WWOX: variants seen among roughly 807,000 people sequenced by gnomAD.
WWOX encodes the protein WW domain-containing oxidoreductase.
A neutral mutation model predicts 46.2 loss-of-function variants in WWOX; 69 were observed. That is an observed-to-expected ratio of 1.49 (90% CI 1.23 to 1.82). WWOX has a LOEUF of 1.82. Among genes scored for constraint, WWOX ranks in the 40% most tolerant of loss-of-function variants. The probability of loss-of-function intolerance (pLI) is 0.00; values close to 1 mark genes in which losing one functional copy is unlikely to be tolerated. For missense variants in WWOX, 919 were observed against 542.6 expected, an observed-to-expected ratio of 1.69 and a Z score of -6.89; for synonymous variants, 359 against 202.6, an observed-to-expected ratio of 1.77 and a Z score of -6.56.
At chr16:78,148,713 C>G (rs973705916) in intron 4 of WWOX, among the ~76,000 whole-genome samples, 4 of 151,626 alleles carry the variant, frequency 2.6e-5, no homozygotes, top group African/African-American at 4.8e-5. Flanking sequence ...CTGGCTAACA[C>G]GGTGAAACCC....
intron 8 of WWOX, among the ~76,000 whole-genome samples, chr16:79,063,865 G>A (rs2048396678): frequency 6.6e-6 from 1 of 152,208 alleles, no homozygotes; most frequent in African/African-American, 2.4e-5. Context: ...TGCTCTTCCT[G>A]AAATCAATTT....
chr16:78,912,243 C>G (rs147013710), intron 8 of WWOX, among the ~76,000 whole-genome samples: 5 of 152,164 alleles, frequency 3.3e-5, no homozygotes, highest in Non-Finnish European at 7.4e-5. Flanking sequence ...CATGTCCTAT[C>G]ATTAACACAG....
chr16:78,325,804 G>C (rs181783393), intron 5 of WWOX, among the ~76,000 whole-genome samples: 5 of 152,344 alleles, frequency 3.3e-5, no homozygotes, highest in African/African-American at 9.6e-5. Context: ...AGGCATAGGA[G>C]TTAAGGGTTT....
At chr16:78,949,356 T>G (rs1020009318) in intron 8 of WWOX, among the ~76,000 whole-genome samples, 2 of 152,160 alleles carry the variant, frequency 1.3e-5, no homozygotes, top group African/African-American at 4.8e-5. Context: ...ATAGAAAATC[T>G]GATACACTGT....
rs1055916241 is a variant in WWOX at position 78,857,873 on chromosome 16, C to T, written c.1057-353735C>T. On this transcript the variant is annotated intron_variant, in intron 8 of 8. Transcript: ENST00000566780. ...ATTTTTGACCGAAATTAAACACATGCCTTTTGATCAAGCAATTCCATTCTG... is the reference window on the plus strand; with the variant it reads ...ATTTTTGACCGAAATTAAACACATGTCTTTTGATCAAGCAATTCCATTCTG... 5.4e-4 allele frequency among the ~76,000 whole-genome samples: 82 copies of T among 152,222 alleles called. 1 individual carries two copies. Among genetic ancestry groups the T allele is most frequent in the Non-Finnish European group, 1.9e-4 (13 of 68,006 alleles).
chr16:78,541,924 T>A (rs998362468), intron 8 of WWOX, among the ~76,000 whole-genome samples: 1 of 146,882 alleles, frequency 6.8e-6, no homozygotes, highest in South Asian at 2.1e-4. Context: ...TTGTTTTGTT[T>A]GTAAGAATCA....
chr16:78,103,989 G>A (rs760686175), intron 1 of WWOX, among the ~76,000 whole-genome samples: 7 of 152,096 alleles, frequency 4.6e-5, no homozygotes, highest in Non-Finnish European at 7.4e-5. Context: ...GGGAACCCAA[G>A]AGAGCTGGTG....
intron 8 of WWOX, among the ~76,000 whole-genome samples, chr16:78,778,744 A>G (rs545555401): frequency 6.6e-6 from 1 of 152,276 alleles, no homozygotes; most frequent in Admixed American, 6.5e-5. Flanking sequence ...TTCTCTTGAA[A>G]AACTCAAACC....
intron 8 of WWOX, among the ~76,000 whole-genome samples, chr16:78,899,910 T>C (rs2044786907): frequency 1.3e-5 from 2 of 152,184 alleles, no homozygotes; most frequent in Admixed American, 6.5e-5. Flanking sequence ...TGTCAGGACA[T>C]AAATTAAGTC....
At chr16:78,780,917 G>C (rs570765663) in intron 8 of WWOX, among the ~76,000 whole-genome samples, 1 of 152,284 alleles carries the variant, frequency 6.6e-6, no homozygotes, top group African/African-American at 2.4e-5. Context: ...GGGGAGCATG[G>C]GTTCAGAGAG....
At chr16:79,153,465 C>T (rs997140504) in intron 8 of WWOX, among the ~76,000 whole-genome samples, 8 of 152,184 alleles carry the variant, frequency 5.3e-5, no homozygotes, top group Non-Finnish European at 8.8e-5. Context: ...ATTTGGTTTA[C>T]ATCGGGAATG....
At chr16:78,131,112 T>C (rs569810412) in intron 4 of WWOX, among the ~76,000 whole-genome samples, 7 of 152,332 alleles carry the variant, frequency 4.6e-5, no homozygotes, top group African/African-American at 1.4e-4. Context: ...TGTAATCTTA[T>C]GGGACCGCCG....
At chr16:78,706,928 A>G (rs539802195) in intron 8 of WWOX, among the ~76,000 whole-genome samples, 127 of 152,132 alleles carry the variant, frequency 8.3e-4, no homozygotes, top group Non-Finnish European at 1.5e-3. Flanking sequence ...CTCCCAAAGT[A>G]TTAGGATTAC....
Position 78,857,958 on chromosome 16 carries a change from A to G in WWOX, c.1057-353650A>G, listed in dbSNP as rs964181781. ...CCAGGACACCCAATTAGAAGAATGA[A>G]TGCTTTTTTAGCGTTATTTTGTGTG... On this transcript the variant is annotated intron_variant, in intron 8 of 8. Coordinates refer to ENST00000566780, the MANE Select transcript of WWOX (RefSeq NM_016373.4). 2.0e-5 allele frequency among the ~76,000 whole-genome samples: 3 copies of G among 152,164 alleles called. No homozygotes were observed. The South Asian group carries it at 6.2e-4, about 32-fold the overall frequency.
chr16:78,259,870 C>G (rs1185425161), intron 5 of WWOX, among the ~76,000 whole-genome samples: 1 of 150,888 alleles, frequency 6.6e-6, no homozygotes. Context: ...GATGTTTATG[C>G]TTATATTATT....
At chr16:79,032,655 T>G (rs1648981262) in intron 8 of WWOX, among the ~76,000 whole-genome samples, 2 of 134,692 alleles carry the variant, frequency 1.5e-5, no homozygotes, top group African/African-American at 3.2e-5. Flanking sequence ...GCGTGTATAT[T>G]ATTTACATAT....
At chr16:78,148,284 A>C (rs1345277903) in intron 4 of WWOX, among the ~76,000 whole-genome samples, 1 of 152,182 alleles carries the variant, frequency 6.6e-6, no homozygotes, top group African/African-American at 2.4e-5. Context: ...AAGTGAGACC[A>C]TGGGTGTGTG....
At chr16:78,924,341 A>C (rs1442156955) in intron 8 of WWOX, among the ~76,000 whole-genome samples, 1 of 152,186 alleles carries the variant, frequency 6.6e-6, no homozygotes, top group Non-Finnish European at 1.5e-5. Context: ...CTTTGTTTGA[A>C]AAATGGAGCT....
chr16:79,102,961 T>C (rs1567551876), intron 8 of WWOX, among the ~76,000 whole-genome samples: 2 of 152,140 alleles, frequency 1.3e-5, no homozygotes, highest in Admixed American at 1.3e-4. Flanking sequence ...CTTCCTTTTC[T>C]TCCTCATCCT....
Sources: gnomAD v4.1 joint callset for allele counts (sites outside exome capture counted in the v4.1 genomes callset) on GRCh38, gnomAD v4.1.1 for gene constraint, MANE v1.5 for transcripts, NCBI Gene and HGNC (gene_info 2026-07-23, HGNC 2026-07-21) for gene names.